CDC5L: variants seen among roughly 807,000 people sequenced by gnomAD.
The protein encoded by CDC5L is cell division cycle 5-like protein.
In CDC5L, 18 loss-of-function variants were observed where a neutral mutation model predicts 104.1. The ratio of observed to expected loss-of-function variants is 0.17; its 90% CI spans 0.12 to 0.26. The LOEUF (loss-of-function observed/expected upper bound fraction) is 0.26. Among genes scored for constraint, CDC5L ranks in the 10% least tolerant of loss-of-function variants. The pLI, the probability that CDC5L is intolerant of heterozygous loss-of-function variation, is 1.00. For missense variants in CDC5L, 673 were observed against 956.9 expected, an observed-to-expected ratio of 0.70 and a Z score of 3.91; for synonymous variants, 331 against 322.7, an observed-to-expected ratio of 1.03 and a Z score of -0.28.
chr6:44,435,908 A>G (rs1236586663), intron 14 of CDC5L, among the ~76,000 whole-genome samples: 1 of 151,810 alleles, frequency 6.6e-6, no homozygotes, highest in Non-Finnish European at 1.5e-5. Flanking sequence ...CAGCCTCCCA[A>G]GTAGCTGAGA....
In CDC5L at chr6:44,448,340, A is replaced by T. The variant is rs11572061; in HGVS notation, c.*1629A>T. The T allele has an allele frequency of 6.6e-6, 1 of 152,208 alleles. No individual in the cohort carries two copies. The highest frequency in any genetic ancestry group is 2.4e-5 in the African/African-American group (1 of 41,452). The allele number at this position is 152,208 out of a possible 1,614,324, so 9.4% of individuals were successfully genotyped here. ...GAATTTGGATCTTACTTTAAATATG[A>T]TAAGAATCGATGAGAAGATCTAAGC... On this transcript the variant is annotated 3_prime_UTR_variant, in exon 16 of 16. Transcript: ENST00000371477.
chr6:44,415,138 T>C (rs1162989790), intron 8 of CDC5L, among the ~76,000 whole-genome samples: 1 of 152,268 alleles, frequency 6.6e-6, no homozygotes, highest in Non-Finnish European at 1.5e-5. Context: ...TGATCTATTA[T>C]CTATCCTGTG....
chr6:44,418,523 G>T (rs1340474207), intron 8 of CDC5L, among the ~76,000 whole-genome samples: 1 of 152,156 alleles, frequency 6.6e-6, no homozygotes. Context: ...GTAATGGGAT[G>T]GCTGGGTCAA....
At chr6:44,429,595 A>G in intron 13 of CDC5L, 118 bp from the exon 14 acceptor site, 1 of 822,182 alleles carries the variant, frequency 1.2e-6, no homozygotes, top group Non-Finnish European at 1.9e-6. Flanking sequence ...CCAAAAAACA[A>G]CCAACCACAT....
chr6:44,421,310 T>A (rs11571998), intron 9 of CDC5L, among the ~76,000 whole-genome samples: 2,145 of 152,360 alleles, frequency 0.014, 22 homozygotes, highest in Middle Eastern at 0.034. Context: ...TGCTGTTTTT[T>A]AAGAAGAATC....
chr6:44,393,262 C>T (rs1403632597), intron 3 of CDC5L, among the ~76,000 whole-genome samples, 184 bp from the exon 4 acceptor site: 1 of 146,920 alleles, frequency 6.8e-6, no homozygotes, highest in Non-Finnish European at 1.5e-5. Flanking sequence ...TGAAACCAGT[C>T]ACTGAAATCA....
intron 14 of CDC5L, among the ~76,000 whole-genome samples, chr6:44,439,383 A>C (rs906192967): frequency 1.3e-5 from 2 of 152,064 alleles, no homozygotes; most frequent in African/African-American, 4.8e-5. Context: ...GGAATTACTT[A>C]GATACTTCCT....
chr6:44,400,269 G>T (rs1410307909), intron 5 of CDC5L, among the ~76,000 whole-genome samples: 1 of 152,038 alleles, frequency 6.6e-6, no homozygotes, highest in African/African-American at 2.4e-5. Flanking sequence ...CTGTTTCTTT[G>T]CATGTCTTAT....
At chr6:44,406,894 C>G (rs563692494) in intron 7 of CDC5L, among the ~76,000 whole-genome samples, 1 of 151,674 alleles carries the variant, frequency 6.6e-6, no homozygotes, top group African/African-American at 2.4e-5. Context: ...GCTTGGGTGA[C>G]AGAGTGAGAC....
intron 1 of CDC5L, among the ~76,000 whole-genome samples, chr6:44,388,870 G>A (rs1790474360): frequency 6.6e-6 from 1 of 152,028 alleles, no homozygotes; most frequent in Admixed American, 6.6e-5. Flanking sequence ...CCTCTGTGTG[G>A]TACTCGGTAA....
chr6:44,413,697 A>G (rs1355264534), intron 8 of CDC5L, among the ~76,000 whole-genome samples: 2 of 151,680 alleles, frequency 1.3e-5, no homozygotes, highest in South Asian at 2.1e-4. Flanking sequence ...GATCCTCCCA[A>G]CTTGGCCTCC....
At chr6:44,403,724 T>C (rs1216730618) in intron 5 of CDC5L, 85 bp from the exon 6 acceptor site, 1 of 914,986 alleles carries the variant, frequency 1.1e-6, no homozygotes, top group East Asian at 2.5e-5. Flanking sequence ...CCCAAATAAA[T>C]AGATACTTTT....
Position 44,403,857 on chromosome 6 carries a change from A to G in CDC5L, c.588A>G (p.Ile196Met). Reference protein sequence around the residue: ...QKRRELRAAGIEIQKKRKRKR... With the variant: ...QKRRELRAAGMEIQKKRKRKR... Reference sequence around the variant, plus strand: ...GAAGAGAACTTCGAGCAGCTGGCATAGAAATTCAGAAGAAAAGAAAAAGGA... The same window carrying G: ...GAAGAGAACTTCGAGCAGCTGGCATGGAAATTCAGAAGAAAAGAAAAAGGA... The change falls in exon 6 of 16, where the codon ATA becomes ATG. Residue 196 changes from isoleucine to methionine, a missense_variant. Around this residue, in one of 4 missense-constraint regions of CDC5L, gnomAD observed 578 missense variants for 737.0 expected, o/e 0.78. Transcript: ENST00000371477. The G allele has an allele frequency of 1.2e-6, 2 of 1,613,066 alleles. No individual in the cohort carries two copies. Among genetic ancestry groups the G allele is most frequent in the East Asian group, 4.5e-5 (2 of 44,834 alleles).
intron 9 of CDC5L, 24 bp downstream of exon 9, chr6:44,419,621 A>G: frequency 1.9e-6 from 3 of 1,587,622 alleles, no homozygotes; most frequent in South Asian, 1.1e-5. Context: ...ACACGTTTTT[A>G]TTTTAGAAAA....
chr6:44,418,785 A>T (rs1792018001), intron 8 of CDC5L, among the ~76,000 whole-genome samples: 1 of 149,706 alleles, frequency 6.7e-6, no homozygotes. Flanking sequence ...GGCTGCATAA[A>T]TGTCTTCTTT....
chr6:44,418,251 T>G (rs1170342999), intron 8 of CDC5L, among the ~76,000 whole-genome samples: 1 of 152,012 alleles, frequency 6.6e-6, no homozygotes, highest in Non-Finnish European at 1.5e-5. Context: ...CGGTGTTTGG[T>G]TTTTTTGTCC....
intron 1 of CDC5L, among the ~76,000 whole-genome samples, 176 bp downstream of exon 1, chr6:44,388,044 A>C (rs1271686148): frequency 6.6e-6 from 1 of 151,924 alleles, no homozygotes; most frequent in African/African-American, 2.4e-5. Flanking sequence ...TGCGAGCGCC[A>C]GTAGGACAGG....
chr6:44,392,381 GTAAA>G (rs1790662699), intron 2 of CDC5L, among the ~76,000 whole-genome samples: 2 of 152,100 alleles, frequency 1.3e-5, no homozygotes, highest in Admixed American at 6.5e-5. Flanking sequence ...CTAGAAAAGC[GTAAA>G]TAAATAAAAA....
At chr6:44,401,654 T>A (rs930578759) in intron 5 of CDC5L, among the ~76,000 whole-genome samples, 7 of 152,082 alleles carry the variant, frequency 4.6e-5, no homozygotes, top group East Asian at 1.9e-4. Context: ...AAATTTAATT[T>A]AATTTTATTA....
Sources: allele counts gnomAD v4.1 joint callset (sites outside exome capture counted in the v4.1 genomes callset), GRCh38; gene constraint gnomAD v4.1.1; regional missense constraint gnomAD v4.1.1; transcripts MANE v1.5; gene names NCBI Gene and HGNC (gene_info 2026-07-23, HGNC 2026-07-21).